Variants in STAU2 observed in about 807,000 individuals in gnomAD.
STAU2 encodes staufen double-stranded RNA binding protein 2.
STAU2 carries 20 observed loss-of-function variants against 65.9 expected under a neutral mutation model. The ratio of observed to expected loss-of-function variants is 0.30; its 90% CI spans 0.21 to 0.44. The LOEUF (loss-of-function observed/expected upper bound fraction) is 0.44, where lower values mean the gene tolerates loss of function less well. STAU2 is among the 20% of genes least tolerant of loss of function. The pLI, the probability that STAU2 is intolerant of heterozygous loss-of-function variation, is 1.00. For missense variants in STAU2, 558 were observed against 683.9 expected (o/e 0.82, Z 2.05); for synonymous variants, 232 against 233.9 (o/e 0.99, Z 0.07).
At chr8:73,716,087 T>C (rs1470791874) in intron 3 of STAU2, among the ~76,000 whole-genome samples, 1 of 141,060 alleles carries the variant, frequency 7.1e-6, no homozygotes, top group Non-Finnish European at 1.5e-5. Context: ...GCTAATTTTT[T>C]TTTCTTTTTT....
At chr8:73,596,289 A>G (rs1015449962) in intron 10 of STAU2, among the ~76,000 whole-genome samples, 9 of 152,184 alleles carry the variant, frequency 5.9e-5, no homozygotes, top group South Asian at 2.1e-4. Flanking sequence ...TAAACAAGAT[A>G]ATGTATGTAA....
At chr8:73,639,563 C>T (rs1814803450) in intron 6 of STAU2, among the ~76,000 whole-genome samples, 2 of 152,082 alleles carry the variant, frequency 1.3e-5, no homozygotes, top group African/African-American at 2.4e-5. Context: ...TGCTCGACAA[C>T]CTTCTCAGAT....
chr8:73,747,452 TCCGG>T, upstream of STAU2: 1 of 1,534,550 alleles, frequency 6.5e-7, no homozygotes, highest in Non-Finnish European at 8.7e-7. Flanking sequence ...CCGCGTCTGC[TCCGG>T]CCGCCGCTGT....
intron 6 of STAU2, among the ~76,000 whole-genome samples, chr8:73,663,218 T>A (rs922699741): frequency 6.6e-6 from 1 of 152,208 alleles, no homozygotes; most frequent in Non-Finnish European, 1.5e-5. Flanking sequence ...AGCAAGTGAC[T>A]GTGGCTGTGT....
At chr8:73,447,733 G>A (rs111875780) in intron 13 of STAU2, among the ~76,000 whole-genome samples, 3,682 of 152,258 alleles carry the variant, frequency 0.024, 151 homozygotes, top group African/African-American at 0.083. Flanking sequence ...GAACCAGGGC[G>A]CCTCCCACCT....
intron 13 of STAU2, among the ~76,000 whole-genome samples, chr8:73,472,910 T>C (rs1363981361): frequency 6.6e-6 from 1 of 152,042 alleles, no homozygotes; most frequent in Non-Finnish European, 1.5e-5. Flanking sequence ...AAAGAACTGA[T>C]GTAATTAAAG....
At chr8:73,575,017 C>G (rs776673599) in intron 12 of STAU2, among the ~76,000 whole-genome samples, 2 of 150,486 alleles carry the variant, frequency 1.3e-5, no homozygotes, top group Non-Finnish European at 3.0e-5. Flanking sequence ...AAAGAAAAGA[C>G]TATTTTAAAA....
chr8:73,721,944 T>A (rs1821716089), intron 3 of STAU2, among the ~76,000 whole-genome samples: 1 of 152,218 alleles, frequency 6.6e-6, no homozygotes, highest in Non-Finnish European at 1.5e-5. Context: ...GCTATTTATT[T>A]TATATTTTTC....
At chr8:73,522,414 C>T (rs771847306) in intron 13 of STAU2, among the ~76,000 whole-genome samples, 10 of 152,154 alleles carry the variant, frequency 6.6e-5, no homozygotes, top group Non-Finnish European at 1.2e-4. Flanking sequence ...CTAACCAATA[C>T]AACCAACTTC....
At chr8:73,555,913 G>GT (rs1407789348) in intron 12 of STAU2, among the ~76,000 whole-genome samples, 3 of 151,880 alleles carry the variant, frequency 2.0e-5, no homozygotes, top group Non-Finnish European at 4.4e-5. Context: ...ACATGTGTTA[G>GT]TTTTTTTATA....
At chr8:73,535,579 T>C (rs967420279) in intron 13 of STAU2, among the ~76,000 whole-genome samples, 3 of 152,202 alleles carry the variant, frequency 2.0e-5, no homozygotes, top group Non-Finnish European at 4.4e-5. Flanking sequence ...TAGTTTTACA[T>C]TTCCATCGAA....
intron 10 of STAU2, among the ~76,000 whole-genome samples, chr8:73,596,985 C>A (rs1001312398): frequency 6.6e-6 from 1 of 151,812 alleles, no homozygotes; most frequent in African/African-American, 2.4e-5. Flanking sequence ...ACTTGAAGGA[C>A]ACAGCAAAAG....
At chr8:73,530,248 A>G (rs569816073) in intron 13 of STAU2, among the ~76,000 whole-genome samples, 45 of 152,318 alleles carry the variant, frequency 3.0e-4, no homozygotes, top group Admixed American at 1.8e-3. Flanking sequence ...ATCACTCACA[A>G]AAGAACCTAA....
At chr8:73,489,162 G>A (rs1821052790) in intron 13 of STAU2, among the ~76,000 whole-genome samples, 1 of 151,564 alleles carries the variant, frequency 6.6e-6, no homozygotes, top group Admixed American at 6.6e-5. Flanking sequence ...AAACAAAATG[G>A]TGACTTCCTT....
intron 12 of STAU2, chr8:73,561,409 A>G (rs1808217737): frequency 2.7e-6 from 1 of 365,008 alleles, no homozygotes; most frequent in South Asian, 2.2e-5. Context: ...GTTTGAGAGC[A>G]CCTTGTGAGG....
At chr8:73,741,245 C>A (rs1806845883) in intron 1 of STAU2, among the ~76,000 whole-genome samples, 1 of 146,376 alleles carries the variant, frequency 6.8e-6, no homozygotes, top group Non-Finnish European at 1.5e-5. Context: ...GCGGAGCTTG[C>A]AGTGAGCCAA....
intron 13 of STAU2, among the ~76,000 whole-genome samples, chr8:73,510,368 C>T (rs1357575371): frequency 6.6e-6 from 1 of 152,102 alleles, no homozygotes; most frequent in Non-Finnish European, 1.5e-5. Context: ...CCGCGCCTGG[C>T]CAGAAAGTAT....
chr8:73,464,126 C>G (rs1240957768), intron 13 of STAU2, among the ~76,000 whole-genome samples: 1 of 152,080 alleles, frequency 6.6e-6, no homozygotes, highest in East Asian at 1.9e-4. Flanking sequence ...GGGATATTGC[C>G]TGAAGTAAAG....
At chr8:73,711,152 A>AC (rs1388320698) in intron 3 of STAU2, among the ~76,000 whole-genome samples, 1 of 150,560 alleles carries the variant, frequency 6.6e-6, no homozygotes, top group Non-Finnish European at 1.5e-5. Flanking sequence ...AAAAAAAAAA[A>AC]AAAAACTAGT....
Sources: gnomAD v4.1 joint callset for allele counts (sites outside exome capture counted in the v4.1 genomes callset) on GRCh38, gnomAD v4.1.1 for gene constraint, MANE v1.5 for transcripts, NCBI Gene and HGNC (gene_info 2026-07-23, HGNC 2026-07-21) for gene names.